AFF3: variants seen among roughly 807,000 people sequenced by gnomAD.
The protein encoded by AFF3 is ALF transcription elongation factor 3.
Under a neutral mutation model 129.7 loss-of-function variants are expected in AFF3, and 32 were observed. That is an observed-to-expected ratio of 0.25 (90% CI 0.19 to 0.33). The LOEUF is 0.33. AFF3 is among the 10% of genes least tolerant of loss of function. The pLI is 1.00. For missense variants in AFF3, 1,373 were observed against 1,592.0 expected (o/e 0.86, Z 2.34); for synonymous variants, 644 against 635.4 (o/e 1.01, Z -0.20).
At chr2:99,592,318 C>G (rs1387635352) in intron 15 of AFF3, among the ~76,000 whole-genome samples, 3 of 152,164 alleles carry the variant, frequency 2.0e-5, no homozygotes, top group African/African-American at 7.2e-5. Context: ...TCTACAGAGC[C>G]CTGTTTTCAG....
At chr2:99,592,035 T>C (rs1678734676) in intron 15 of AFF3, among the ~76,000 whole-genome samples, 1 of 152,240 alleles carries the variant, frequency 6.6e-6, no homozygotes, top group South Asian at 2.1e-4. Flanking sequence ...TCCATGCATA[T>C]TGCAATCTTG....
intron 2 of AFF3, among the ~76,000 whole-genome samples, chr2:100,110,568 A>C (rs1431714348): frequency 1.3e-5 from 2 of 152,238 alleles, no homozygotes; most frequent in East Asian, 3.9e-4. Context: ...TGACATTCCA[A>C]AATTGCATCT....
intron 10 of AFF3, among the ~76,000 whole-genome samples, chr2:99,736,608 A>T (rs1380026772): frequency 8.0e-6 from 1 of 125,700 alleles, no homozygotes; most frequent in African/African-American, 3.1e-5. Context: ...TAAATTACTG[A>T]TTTTTTTTTT....
At chr2:99,849,603 G>A (rs1428284013) in intron 7 of AFF3, among the ~76,000 whole-genome samples, 1 of 152,006 alleles carries the variant, frequency 6.6e-6, no homozygotes, top group African/African-American at 2.4e-5. Flanking sequence ...CATTTACAAG[G>A]TGCCTACTAC....
At chr2:99,751,245 C>T (rs1274426209) in intron 9 of AFF3, among the ~76,000 whole-genome samples, 1 of 152,162 alleles carries the variant, frequency 6.6e-6, no homozygotes, top group African/African-American at 2.4e-5. Context: ...ATGCATGCAC[C>T]ACCATGCCTG....
intron 8 of AFF3, among the ~76,000 whole-genome samples, chr2:99,795,210 A>G (rs1361086881): frequency 3.9e-5 from 6 of 152,220 alleles, no homozygotes; most frequent in Non-Finnish European, 8.8e-5. Context: ...CTACTCAGCC[A>G]TGAAAAAGAA....
chr2:100,073,289 G>GACAC (rs1688342105), intron 4 of AFF3, among the ~76,000 whole-genome samples: 2 of 152,226 alleles, frequency 1.3e-5, no homozygotes. Context: ...GGGACACGTG[G>GACAC]ACACAGGCAT....
At position 99,587,508 on chromosome 2, in the gene AFF3, C is replaced by T. The variant is rs138463093; in HGVS notation, c.2467-230G>A. Among the ~76,000 whole-genome samples, 61 of 152,234 alleles carry T rather than the reference C, an allele frequency of 4.0e-4. 1 individual carries two copies. The East Asian group carries it at 6.4e-3, about 16-fold the overall frequency. ...TGACAGCTGATGGAGAGGAGAGGCA[C>T]GACGCCATGATTCAACATTTTGAAT... is the stretch of plus-strand genomic sequence containing the variant. On this transcript the variant is annotated intron_variant, in intron 15 of 24. Transcript: ENST00000672756.
At chr2:99,797,109 C>G (rs949882138) in intron 8 of AFF3, among the ~76,000 whole-genome samples, 1 of 152,058 alleles carries the variant, frequency 6.6e-6, no homozygotes, top group African/African-American at 2.4e-5. Flanking sequence ...TGCAAAGAAG[C>G]AAGAAAGTGC....
intron 10 of AFF3, among the ~76,000 whole-genome samples, chr2:99,733,299 G>A (rs1313225426): frequency 6.7e-6 from 1 of 150,216 alleles, no homozygotes; most frequent in Non-Finnish European, 1.5e-5. Flanking sequence ...AGAATTGCTT[G>A]AACCTGGGAG....
At chr2:99,864,557 AG>A (rs1314872719) in intron 7 of AFF3, among the ~76,000 whole-genome samples, 1 of 152,198 alleles carries the variant, frequency 6.6e-6, no homozygotes, top group African/African-American at 2.4e-5. Context: ...TGTCATGAAA[AG>A]GCCTCATGAC....
At position 99,956,211 on chromosome 2, in the gene AFF3, G is replaced by A. The variant is rs10185820; in HGVS notation, c.873+50421C>T. On this transcript the variant is annotated intron_variant, in intron 7 of 24. Coordinates refer to ENST00000672756, the MANE Select transcript of AFF3 (RefSeq NM_001386135.1). The stretch of plus-strand genomic sequence containing the variant: ...GCACAAGCGACAATAATATTACAGG[G>A]ACATTAAATTAAGGAAAGAACCAAC... Among the ~76,000 whole-genome samples, 726 of 152,026 alleles carry A rather than the reference G, an allele frequency of 4.8e-3. 3 individuals are homozygous for A. Among genetic ancestry groups the A allele is most frequent in the African/African-American group, 0.017 (695 of 41,452 alleles).
At chr2:99,795,662 C>T (rs1465451762) in intron 8 of AFF3, among the ~76,000 whole-genome samples, 6 of 151,930 alleles carry the variant, frequency 3.9e-5, no homozygotes, top group African/African-American at 9.7e-5. Context: ...ACTTCCCCTC[C>T]TCATTTCCCT....
At chr2:100,041,711 T>C (rs1435817247) in intron 4 of AFF3, among the ~76,000 whole-genome samples, 1 of 152,238 alleles carries the variant, frequency 6.6e-6, no homozygotes, top group Non-Finnish European at 1.5e-5. Flanking sequence ...TAAAACTGCA[T>C]GTATCTTCTC....
At chr2:99,627,053 ATG>A (rs1212966770) in intron 13 of AFF3, among the ~76,000 whole-genome samples, 15 of 152,172 alleles carry the variant, frequency 9.9e-5, no homozygotes, top group Non-Finnish European at 7.3e-5. Flanking sequence ...ATATGCATAC[ATG>A]TGTCTTATAA....
intron 7 of AFF3, among the ~76,000 whole-genome samples, chr2:99,878,100 T>G (rs766368059): frequency 6.6e-6 from 1 of 151,920 alleles, no homozygotes; most frequent in Non-Finnish European, 1.5e-5. Context: ...TGAAAAAAAA[T>G]AGACATCCAA....
At chr2:99,679,420 T>C (rs1040262120) in intron 11 of AFF3, among the ~76,000 whole-genome samples, 1 of 152,038 alleles carries the variant, frequency 6.6e-6, no homozygotes, top group Admixed American at 6.6e-5. Flanking sequence ...CTTGCCACCT[T>C]CTCTGCAGGC....
intron 4 of AFF3, among the ~76,000 whole-genome samples, chr2:100,072,274 G>C (rs938350529): frequency 5.3e-5 from 8 of 152,160 alleles, no homozygotes; most frequent in African/African-American, 1.9e-4. Flanking sequence ...AAACCCTATT[G>C]TGAACTGTGC....
At chr2:99,888,834 G>C (rs542230844) in intron 7 of AFF3, among the ~76,000 whole-genome samples, 158 of 152,194 alleles carry the variant, frequency 1.0e-3, no homozygotes, top group Non-Finnish European at 1.1e-3. Flanking sequence ...AACAATGACG[G>C]CAACAAGACA....
Sources: gnomAD v4.1 joint callset for allele counts (sites outside exome capture counted in the v4.1 genomes callset) on GRCh38, gnomAD v4.1.1 for gene constraint, MANE v1.5 for transcripts, NCBI Gene and HGNC (gene_info 2026-07-23, HGNC 2026-07-21) for gene names.